Variants in PTBP3 observed in about 807,000 individuals in gnomAD.
PTBP3 encodes polypyrimidine tract-binding protein 3.
PTBP3 carries 20 observed loss-of-function variants against 58.7 expected under a neutral mutation model. The ratio of observed to expected loss-of-function variants is 0.34; its 90% CI spans 0.24 to 0.50. PTBP3 has a LOEUF of 0.50. Ranked by LOEUF, PTBP3 falls within the 20% of genes least tolerant of loss-of-function variation. The probability of loss-of-function intolerance (pLI) is 0.98; values close to 1 mark genes in which losing one functional copy is unlikely to be tolerated. For missense variants in PTBP3, 509 were observed against 637.2 expected, an observed-to-expected ratio of 0.80 and a Z score of 2.17; for synonymous variants, 185 against 219.8, an observed-to-expected ratio of 0.84 and a Z score of 1.40.
chr9:112,232,585 T>C (rs1346704530), intron 8 of PTBP3, among the ~76,000 whole-genome samples: 1 of 152,220 alleles, frequency 6.6e-6, no homozygotes, highest in Non-Finnish European at 1.5e-5. Context: ...CTATCAAGTG[T>C]ATATGCTTTT....
chr9:112,224,255 A>C, intron 12 of PTBP3, 45 bp from the exon 13 acceptor site: 225 of 1,203,668 alleles, frequency 1.9e-4, no homozygotes, highest in Non-Finnish European at 2.3e-4. Context: ...CCGCATTCTC[A>C]AGTGAAGCAG....
chr9:112,220,859 A>G lies in PTBP3; in HGVS notation c.*2992T>C. ...CAAGACACCTTGAAAAGTGATGACA[A>G]TACTCCTTAAAAATAAAATAAACTT... On this transcript the variant is annotated 3_prime_UTR_variant, in exon 14 of 14. Transcript: ENST00000374257. 1 of 967,816 alleles carries G rather than the reference A, an allele frequency of 1.0e-6. No homozygotes were observed. Among genetic ancestry groups the G allele is most frequent in the South Asian group, 4.8e-5 (1 of 20,900 alleles). 60.0% of individuals were successfully genotyped at this position (967,816 alleles called of 1,614,324 possible).
intron 1 of PTBP3, among the ~76,000 whole-genome samples, chr9:112,316,239 T>C (rs1285813183): frequency 1.3e-5 from 2 of 152,192 alleles, no homozygotes; most frequent in East Asian, 3.8e-4. Flanking sequence ...AAGTATAGGT[T>C]GCACCTAGAG....
intron 2 of PTBP3, among the ~76,000 whole-genome samples, chr9:112,293,956 TC>T (rs1828557354): frequency 6.6e-6 from 1 of 152,190 alleles, no homozygotes; most frequent in Non-Finnish European, 1.5e-5. Context: ...TATTTTTAGG[TC>T]TGTATTACGG....
At chr9:112,250,111 TTTGA>T (rs570743315) in intron 7 of PTBP3, among the ~76,000 whole-genome samples, 211 of 152,254 alleles carry the variant, frequency 1.4e-3, no homozygotes, top group Non-Finnish European at 2.4e-3. Context: ...AATTTTATAA[TTTGA>T]TTGTCTTAAT....
At chr9:112,341,321 G>A in the PTBP3 span, among the ~76,000 whole-genome samples, 1 of 151,810 alleles carries the variant, frequency 6.6e-6, no homozygotes, top group Non-Finnish European at 1.5e-5. Context: ...TAGTAGAGAT[G>A]GTGTTTCACC....
upstream of PTBP3, among the ~76,000 whole-genome samples, chr9:112,334,560 A>G (rs1205737374): frequency 6.6e-6 from 1 of 152,222 alleles, no homozygotes; most frequent in Non-Finnish European, 1.5e-5. Context: ...CAGATCACCA[A>G]AATGTAACCC....
chr9:112,343,082 G>GATCCT, the PTBP3 span, among the ~76,000 whole-genome samples: 1 of 152,132 alleles, frequency 6.6e-6, no homozygotes, highest in African/African-American at 2.4e-5. Context: ...GGCTGGATCG[G>GATCCT]GGAAAATGCA....
the PTBP3 span, among the ~76,000 whole-genome samples, chr9:112,376,379 G>A: frequency 3.4e-5 from 5 of 146,878 alleles, no homozygotes; most frequent in Admixed American, 2.8e-4. Context: ...TTAGCCTCCC[G>A]AGTAGCTGGG....
intron 5 of PTBP3, among the ~76,000 whole-genome samples, chr9:112,253,313 G>T (rs1458142897): frequency 6.6e-6 from 1 of 152,176 alleles, no homozygotes; most frequent in South Asian, 2.1e-4. Context: ...GAAGTCTTAC[G>T]AATAAAAATA....
chr9:112,272,084 T>A (rs985364507), intron 3 of PTBP3, among the ~76,000 whole-genome samples: 2 of 152,150 alleles, frequency 1.3e-5, no homozygotes, highest in African/African-American at 4.8e-5. Context: ...TTTTTATTTT[T>A]TTTTTGAGAC....
chr9:112,255,496 T>C lies in PTBP3; in HGVS notation c.517-2708A>G, dbSNP rs146519449. Among the ~76,000 whole-genome samples the C allele has an allele frequency of 9.7e-3, 1,472 of 152,260 alleles. 32 individuals carry two copies. Among genetic ancestry groups the C allele is most frequent in the African/African-American group, 0.034 (1,398 of 41,536 alleles). On this transcript the variant is annotated intron_variant, in intron 5 of 13. Coordinates refer to ENST00000374257, the MANE Select transcript of PTBP3 (RefSeq NM_001163788.4). ...TAACGTTAGACTTTAAAAAAAAGGT[T>C]GGGGGTGTAATATAACAAATTGTCT...
At chr9:112,353,763 C>G in the PTBP3 span, among the ~76,000 whole-genome samples, 1 of 151,760 alleles carries the variant, frequency 6.6e-6, no homozygotes, top group Admixed American at 6.6e-5. Context: ...GGAGACCAGC[C>G]TGGCCAACAT....
chr9:112,338,359 CTGTG>C (rs1830592555), upstream of PTBP3, among the ~76,000 whole-genome samples: 1 of 100,932 alleles, frequency 9.9e-6, no homozygotes, highest in African/African-American at 6.6e-5. Context: ...ATGGATTGCA[CTGTG>C]TCTGTGTGCT....
chr9:112,334,930 C>G (rs764169559), upstream of PTBP3, among the ~76,000 whole-genome samples: 1 of 152,112 alleles, frequency 6.6e-6, no homozygotes, highest in Non-Finnish European at 1.5e-5. Flanking sequence ...AACCTCAGTC[C>G]CCTTCCAAAA....
intron 1 of PTBP3, among the ~76,000 whole-genome samples, chr9:112,331,144 TGAG>T (rs1211131386): frequency 6.7e-6 from 1 of 149,800 alleles, no homozygotes; most frequent in Non-Finnish European, 1.5e-5. Context: ...AGTTGGGATT[TGAG>T]GAGGAACTAG....
chr9:112,219,862 C>T lies in PTBP3; in HGVS notation c.*3989G>A, dbSNP rs1025070296. The T allele has an allele frequency of 1.2e-5, 2 of 162,026 alleles. No homozygotes were observed. The highest frequency in any genetic ancestry group is 2.6e-5 in the Non-Finnish European group (2 of 76,100). 10.0% of individuals were successfully genotyped at this position (162,026 alleles called of 1,614,324 possible). A position where few individuals can be genotyped will look rare whatever the true frequency, so the allele number is the denominator to read the frequency against. On this transcript the variant is annotated 3_prime_UTR_variant, in exon 14 of 14. Transcript: ENST00000374257. ...TTTTAATAATTTTCTATATTTTAAACCACTCACAACTAGCTGTTAAAATTT... is the reference window on the plus strand; with the variant it reads ...TTTTAATAATTTTCTATATTTTAAATCACTCACAACTAGCTGTTAAAATTT...
At chr9:112,342,751 A>AAG in the PTBP3 span, among the ~76,000 whole-genome samples, 2 of 152,008 alleles carry the variant, frequency 1.3e-5, no homozygotes, top group Non-Finnish European at 2.9e-5. Context: ...GAAGAAGAAG[A>AAG]AAGAGAGATT....
At chr9:112,306,461 A>AC (rs981858426) in intron 1 of PTBP3, among the ~76,000 whole-genome samples, 1 of 150,116 alleles carries the variant, frequency 6.7e-6, no homozygotes, top group African/African-American at 2.4e-5. Flanking sequence ...TGCCTGGGCA[A>AC]AAAAAAAAAA....
Sources: allele counts gnomAD v4.1 joint callset (sites outside exome capture counted in the v4.1 genomes callset), GRCh38; gene constraint gnomAD v4.1.1; transcripts MANE v1.5; gene names NCBI Gene and HGNC (gene_info 2026-07-23, HGNC 2026-07-21).